Variants in TRERF1 observed in about 807,000 individuals in gnomAD.
TRERF1 encodes the protein transcriptional-regulating factor 1.
A neutral mutation model predicts 122.9 loss-of-function variants in TRERF1; 27 were observed. The ratio of observed to expected loss-of-function variants is 0.22; its 90% CI spans 0.16 to 0.30. The LOEUF is 0.30. TRERF1 is among the 10% of genes least tolerant of loss of function. TRERF1 has a pLI of 1.00. For synonymous variants in TRERF1, 636 were observed against 641.7 expected, an observed-to-expected ratio of 0.99 and a Z score of 0.13; for missense variants, 1,248 against 1,560.3, an observed-to-expected ratio of 0.80 and a Z score of 3.37.
intron 3 of TRERF1, among the ~76,000 whole-genome samples, chr6:42,318,711 T>C (rs1387377908): frequency 2.0e-5 from 3 of 152,240 alleles, no homozygotes; most frequent in Non-Finnish European, 4.4e-5. Context: ...TTCAGTATTA[T>C]CTATGGCTGC....
chr6:42,435,746 C>T (rs989012502), intron 2 of TRERF1, among the ~76,000 whole-genome samples: 7 of 151,706 alleles, frequency 4.6e-5, no homozygotes, highest in Non-Finnish European at 7.4e-5. Context: ...GAAGCTGAGG[C>T]GGGCAGATCA....
intron 4 of TRERF1, among the ~76,000 whole-genome samples, chr6:42,290,745 T>C (rs1429993024): frequency 3.6e-5 from 3 of 82,478 alleles, no homozygotes; most frequent in East Asian, 8.6e-4. Flanking sequence ...TCTTTCCTTT[T>C]TTTTTTTTTT....
chr6:42,341,490 A>C (rs1425484066), intron 3 of TRERF1, among the ~76,000 whole-genome samples: 1 of 152,188 alleles, frequency 6.6e-6, no homozygotes, highest in Non-Finnish European at 1.5e-5. Flanking sequence ...TCTGCCCCGG[A>C]GTCTAAGGCC....
chr6:42,437,472 C>T (rs1734558326), intron 2 of TRERF1, among the ~76,000 whole-genome samples: 1 of 152,146 alleles, frequency 6.6e-6, no homozygotes, highest in Non-Finnish European at 1.5e-5. Flanking sequence ...TCTCATTTTA[C>T]TCTCAAAATA....
intron 4 of TRERF1, among the ~76,000 whole-genome samples, chr6:42,284,875 C>A (rs1269472604): frequency 2.6e-5 from 4 of 152,208 alleles, no homozygotes; most frequent in Non-Finnish European, 5.9e-5. Context: ...CAGGCACATG[C>A]TCCTCAGGCA....
At chr6:42,243,670 T>C (rs34531496) in intron 14 of TRERF1, among the ~76,000 whole-genome samples, 29,130 of 150,676 alleles carry the variant, frequency 0.19, 3,076 homozygotes, top group African/African-American at 0.28. Context: ...AACCTCTGCC[T>C]CCCAGGTTCA....
chr6:42,300,596 T>C (rs1582904032), intron 4 of TRERF1, 42 bp downstream of exon 4: 1 of 152,420 alleles, frequency 6.6e-6, no homozygotes, highest in South Asian at 2.1e-4. Context: ...AAAATGAAAA[T>C]GAAAATTCCT....
At chr6:42,439,666 C>T (rs968385705) in intron 2 of TRERF1, among the ~76,000 whole-genome samples, 6 of 152,128 alleles carry the variant, frequency 3.9e-5, no homozygotes, top group African/African-American at 4.8e-5. Flanking sequence ...TGGCCCATTC[C>T]GCCATGTGAG....
rs1380811411 is a variant in TRERF1, at chr6:42,259,502, G to A, written c.2106C>T (p.Thr702=). The A allele has an allele frequency of 6.2e-7, 1 of 1,612,228 alleles. No homozygotes were observed. The highest frequency in any genetic ancestry group is 8.5e-7 in the Non-Finnish European group (1 of 1,179,696). The change falls in exon 9 of 18, where the codon ACC becomes ACT. Residue 702 remains threonine, a synonymous_variant. Transcript: ENST00000372922. The surrounding 1 kb of genome is among the most constrained non-coding windows in gnomAD (Gnocchi z 4.9). ...GGGGCGTGTAAGGGGGCAGCTCGTGGGTGGGGTCCAGGAGCAGGTGGTCCC... is the reference window on the plus strand; with the variant it reads ...GGGGCGTGTAAGGGGGCAGCTCGTGAGTGGGGTCCAGGAGCAGGTGGTCCC...
At chr6:42,285,027 C>T (rs35960710) in intron 4 of TRERF1, among the ~76,000 whole-genome samples, 2 of 152,086 alleles carry the variant, frequency 1.3e-5, no homozygotes, top group African/African-American at 2.4e-5. Context: ...TTAGACTTCA[C>T]GGTTTAAGAA....
intron 13 of TRERF1, among the ~76,000 whole-genome samples, chr6:42,250,273 C>T (rs1775509992): frequency 6.6e-6 from 1 of 152,192 alleles, no homozygotes; most frequent in South Asian, 2.1e-4. Flanking sequence ...GCCACCCCTG[C>T]TGATATGTGG....
chr6:42,339,855 A>C lies in TRERF1; in HGVS notation c.-371+23142T>G, dbSNP rs564740344. On this transcript the variant is annotated intron_variant, in intron 3 of 17. Coordinates refer to ENST00000372922, the Ensembl canonical transcript of TRERF1. ...GTGGCTGAGCCCTGGAGCCACCAGA[A>C]TTTAATCAGATACGTGATTAAGAAA... Among the ~76,000 whole-genome samples, 4 of 152,348 alleles carry C rather than the reference A, an allele frequency of 2.6e-5. No individual in the cohort carries two copies. In the East Asian group the frequency reaches 7.7e-4, roughly 29 times the overall value.
chr6:42,417,334 A>C, intron 2 of TRERF1, among the ~76,000 whole-genome samples: 1 of 23,004 alleles, frequency 4.3e-5, no homozygotes, highest in Admixed American at 4.9e-4. Flanking sequence ...CACGGACCCC[A>C]CTCCACTCAC....
At chr6:42,379,489 T>C (rs986147241) in intron 2 of TRERF1, among the ~76,000 whole-genome samples, 1 of 152,126 alleles carries the variant, frequency 6.6e-6, no homozygotes. Context: ...CCTTCCTTCT[T>C]TCAACAGATA....
At chr6:42,279,320 C>T (rs148937951) in intron 4 of TRERF1, among the ~76,000 whole-genome samples, 1 of 152,276 alleles carries the variant, frequency 6.6e-6, no homozygotes, top group African/African-American at 2.4e-5. Flanking sequence ...GGGCGTGGGG[C>T]CTTCTGAATC....
chr6:42,268,754 C>G lies in TRERF1; in HGVS notation c.837G>C (p.Gly279=), dbSNP rs943192555. 1 of 1,614,164 alleles carries G rather than the reference C, an allele frequency of 6.2e-7. No individual in the cohort carries two copies. Among genetic ancestry groups the G allele is most frequent in the Admixed American group, 1.7e-5 (1 of 60,018 alleles). Residue 279 remains glycine, a synonymous_variant, in exon 5 of 18, where the codon GGG becomes GGC. Transcript: ENST00000372922. This position sits in a 1 kb window ranked among gnomAD's most constrained non-coding sequence, Gnocchi z 4.4. ...TTTCTTGCATGGAGATACGCTGTTG[C>G]CCGGCTTGCTGCTGTTGCTGCGGTG...
intron 8 of TRERF1, among the ~76,000 whole-genome samples, chr6:42,260,147 G>A (rs1777566650): frequency 6.6e-6 from 1 of 151,976 alleles, no homozygotes; most frequent in Non-Finnish European, 1.5e-5. Flanking sequence ...ATCTCTTCAG[G>A]GAAGCTGGGA....
intron 2 of TRERF1, among the ~76,000 whole-genome samples, chr6:42,410,791 A>G (rs1407653026): frequency 1.3e-5 from 2 of 152,260 alleles, no homozygotes; most frequent in South Asian, 4.1e-4. Flanking sequence ...GTAGATGTGC[A>G]ATAAACATTT....
At chr6:42,377,333 T>C (rs1028373799) in intron 2 of TRERF1, among the ~76,000 whole-genome samples, 1 of 152,196 alleles carries the variant, frequency 6.6e-6, no homozygotes, top group African/African-American at 2.4e-5. Flanking sequence ...GCAGTCACTC[T>C]CTTTTCCTCT....
Sources: gnomAD v4.1 joint callset for allele counts (sites outside exome capture counted in the v4.1 genomes callset) on GRCh38, gnomAD v4.1.1 for gene constraint, Gnocchi (gnomAD v3.1) non-coding constraint, MANE v1.5 for transcripts, NCBI Gene and HGNC (gene_info 2026-07-23, HGNC 2026-07-21) for gene names.